C12orf56: variants seen among roughly 807,000 people sequenced by gnomAD.
C12orf56 encodes chromosome 12 open reading frame 56.
A neutral mutation model predicts 69.9 loss-of-function variants in C12orf56; 71 were observed. The ratio of observed to expected loss-of-function variants is 1.02; its 90% CI spans 0.84 to 1.24. C12orf56 has a LOEUF of 1.24. Among genes scored for constraint, C12orf56 ranks in the 50% most tolerant of loss-of-function variants. C12orf56 has a pLI of 0.00. For synonymous variants in C12orf56, 276 were observed against 274.1 expected (o/e 1.01, Z -0.07); for missense variants, 732 against 738.5 (o/e 0.99, Z 0.10).
intron 1 of C12orf56, among the ~76,000 whole-genome samples, chr12:64,354,611 C>T (rs2039280536): frequency 6.6e-6 from 1 of 151,880 alleles, no homozygotes; most frequent in African/African-American, 2.4e-5. Context: ...GCGCCTGCCA[C>T]CACGCCTGGC....
At chr12:64,269,229 G>A (rs7313429) in intron 12 of C12orf56, among the ~76,000 whole-genome samples, 34,108 of 151,476 alleles carry the variant, frequency 0.23, 4,140 homozygotes, top group East Asian at 0.5. Context: ...ATCCTTTTAC[G>A]TCTTCATCCA....
intron 2 of C12orf56, among the ~76,000 whole-genome samples, chr12:64,349,864 C>T (rs1321058614): frequency 1.3e-5 from 2 of 152,108 alleles, no homozygotes; most frequent in East Asian, 3.9e-4. Flanking sequence ...GAGGCCAAGG[C>T]AGGCATATCA....
At chr12:64,336,499 TTA>T (rs1166251212) in intron 2 of C12orf56, among the ~76,000 whole-genome samples, 1 of 152,174 alleles carries the variant, frequency 6.6e-6, no homozygotes, top group Non-Finnish European at 1.5e-5. Flanking sequence ...CCAAGAATAA[TTA>T]TGCTTGTGGA....
At chr12:64,381,293 C>T (rs989091885) in intron 1 of C12orf56, among the ~76,000 whole-genome samples, 23 of 152,160 alleles carry the variant, frequency 1.5e-4, no homozygotes, top group African/African-American at 4.3e-4. Context: ...TCATCAAGTG[C>T]AGAGTCTGCA....
Position 64,281,061 on chromosome 12 carries a change from G to A in C12orf56, c.1311-3258C>T, listed in dbSNP as rs142245532. 5.7e-3 allele frequency among the ~76,000 whole-genome samples: 873 copies of A among 151,956 alleles called. 6 individuals carry two copies. Among genetic ancestry groups the A allele is most frequent in the Non-Finnish European group, 8.1e-3 (552 of 67,950 alleles). On this transcript the variant is annotated intron_variant, in intron 8 of 12. Transcript: ENST00000543942. The stretch of plus-strand genomic sequence containing the variant: ...GCCGACGGGGGGTGGATCACCTGAG[G>A]ACAGGAGTTCAAGACCAGCCTGACT...
At chr12:64,271,188 T>A (rs1194979494) in intron 11 of C12orf56, among the ~76,000 whole-genome samples, 2 of 149,340 alleles carry the variant, frequency 1.3e-5, no homozygotes, top group African/African-American at 5.0e-5. Flanking sequence ...AGAGGCCAGG[T>A]CGGGCACTGT....
chr12:64,276,085 G>A (rs2038048141), intron 9 of C12orf56, among the ~76,000 whole-genome samples: 1 of 151,754 alleles, frequency 6.6e-6, no homozygotes, highest in Non-Finnish European at 1.5e-5. Flanking sequence ...TCTGTGGGAT[G>A]GATAAATAGA....
chr12:64,281,228 G>A lies in C12orf56; in HGVS notation c.1311-3425C>T, dbSNP rs534058447. Among the ~76,000 whole-genome samples, 8 of 151,964 alleles carry A rather than the reference G, an allele frequency of 5.3e-5. No individual in the cohort carries two copies. The East Asian group carries it at 1.2e-3, about 22-fold the overall frequency. ...GCGGAGATTACAGTCAGCCAAGATC[G>A]CACCATTGCACTCCAGCCCTGGCGA... is the stretch of plus-strand genomic sequence containing the variant. On this transcript the variant is annotated intron_variant, in intron 8 of 12. Coordinates refer to ENST00000543942, the MANE Select transcript of C12orf56 (RefSeq NM_001170633.2).
chr12:64,328,679 CAAAAAAAAAA>C (rs59688148), intron 3 of C12orf56, among the ~76,000 whole-genome samples: 17 of 57,902 alleles, frequency 2.9e-4, no homozygotes, highest in African/African-American at 9.2e-4. Context: ...GACTCCATCT[CAAAAAAAAAA>C]AAAAAAAAAA....
At position 64,266,628 on chromosome 12, in the gene C12orf56, C is replaced by T. The variant is rs559972401; in HGVS notation, c.*555G>A. The T allele has an allele frequency of 1.3e-5, 10 of 798,510 alleles. No individual in the cohort carries two copies. The Admixed American group carries it at 2.4e-4, about 20-fold the overall frequency. The allele number at this position is 798,510 out of a possible 1,614,324, so 49.5% of individuals were successfully genotyped here. A position where few individuals can be genotyped will look rare whatever the true frequency, so the allele number is the denominator to read the frequency against. On this transcript the variant is annotated 3_prime_UTR_variant, in exon 13 of 13. Transcript: ENST00000543942. The stretch of plus-strand genomic sequence containing the variant: ...AATGGTTTTTGGATGGCTCTGAGTA[C>T]AGAATCGGGTGAAGAGCATGCTCCT...
chr12:64,336,944 A>C (rs2039004728), intron 2 of C12orf56, among the ~76,000 whole-genome samples: 2 of 152,142 alleles, frequency 1.3e-5, no homozygotes, highest in Admixed American at 1.3e-4. Flanking sequence ...GTAATATAAC[A>C]ACTCTGTGAA....
intron 4 of C12orf56, among the ~76,000 whole-genome samples, chr12:64,313,133 G>C (rs895311758): frequency 1.3e-5 from 2 of 151,274 alleles, no homozygotes; most frequent in African/African-American, 4.9e-5. Flanking sequence ...ATGGTGGCAG[G>C]TGCCTGTAGT....
chr12:64,380,582 T>TA (rs1393177338), intron 1 of C12orf56, among the ~76,000 whole-genome samples: 3 of 152,070 alleles, frequency 2.0e-5, no homozygotes, highest in Non-Finnish European at 4.4e-5. Flanking sequence ...AAAATGCAAA[T>TA]AGTGATAACT....
chr12:64,319,076 T>C (rs1362386228), intron 3 of C12orf56, 96 bp from the exon 4 acceptor site: 2 of 1,170,546 alleles, frequency 1.7e-6, no homozygotes, highest in African/African-American at 1.5e-5. Context: ...AAATGTTTTC[T>C]CACAAAAGGA....
intron 2 of C12orf56, among the ~76,000 whole-genome samples, chr12:64,343,889 G>A (rs2039106716): frequency 6.6e-6 from 1 of 152,188 alleles, no homozygotes; most frequent in Admixed American, 6.5e-5. Flanking sequence ...ACCAGCCAAT[G>A]TGGGGGTTCT....
At chr12:64,346,258 G>A (rs1323233642) in intron 2 of C12orf56, among the ~76,000 whole-genome samples, 1 of 152,134 alleles carries the variant, frequency 6.6e-6, no homozygotes, top group African/African-American at 2.4e-5. Flanking sequence ...ACGTTCGAGG[G>A]CAGGAAGCAT....
chr12:64,385,849 C>T (rs964702440), intron 1 of C12orf56, among the ~76,000 whole-genome samples: 2 of 152,182 alleles, frequency 1.3e-5, no homozygotes, highest in East Asian at 1.9e-4. Flanking sequence ...ATTGTGATTC[C>T]CCTGTCTTGA....
At position 64,267,107 on chromosome 12, in the gene C12orf56, AT is replaced by A. The variant is rs542730208; in HGVS notation, c.*75del. 4.1e-4 allele frequency: 455 copies of A among 1,109,860 alleles called. No homozygotes were observed. In the African/African-American group the frequency reaches 5.2e-3, roughly 13 times the overall value. The allele number at this position is 1,109,860 out of a possible 1,614,324, so 68.8% of individuals were successfully genotyped here. On this transcript the variant is annotated 3_prime_UTR_variant, in exon 13 of 13. Coordinates refer to ENST00000543942, the MANE Select transcript of C12orf56 (RefSeq NM_001170633.2). ...AGCCAGATATTAAACAAATAAAAAA[AT>A]GTTTCTCGTGAATATCAAGTTGACT...
intron 3 of C12orf56, among the ~76,000 whole-genome samples, chr12:64,326,538 C>T (rs1486032714): frequency 6.6e-6 from 1 of 152,176 alleles, no homozygotes; most frequent in South Asian, 2.1e-4. Context: ...AGTTCGAGAC[C>T]AGCCTGACAA....
Sources: allele counts gnomAD v4.1 joint callset (sites outside exome capture counted in the v4.1 genomes callset), GRCh38; gene constraint gnomAD v4.1.1; transcripts MANE v1.5; gene names NCBI Gene and HGNC (gene_info 2026-07-23, HGNC 2026-07-21).